PAPPA: variants seen among roughly 807,000 people sequenced by gnomAD.
PAPPA encodes the protein pappalysin-1.
In PAPPA, 60 loss-of-function variants were observed where a neutral mutation model predicts 164.0. The observed-to-expected ratio is 0.37, with a 90% confidence interval of 0.30 to 0.45. The LOEUF (loss-of-function observed/expected upper bound fraction) is 0.45, where lower values mean the gene tolerates loss of function less well. Among genes scored for constraint, PAPPA ranks in the 20% least tolerant of loss-of-function variants. PAPPA has a pLI of 1.00. For missense variants in PAPPA, 1,782 were observed against 2,087.3 expected (o/e 0.85, Z 2.85); for synonymous variants, 875 against 814.1 (o/e 1.07, Z -1.27).
chr9:116,351,658 T>C (rs1040086612), intron 15 of PAPPA, among the ~76,000 whole-genome samples: 12 of 152,230 alleles, frequency 7.9e-5, no homozygotes. Flanking sequence ...TTGCCAACTA[T>C]GATAACTTGG....
chr9:116,222,459 C>T (rs895332873), intron 5 of PAPPA, among the ~76,000 whole-genome samples: 2 of 152,120 alleles, frequency 1.3e-5, no homozygotes, highest in Admixed American at 6.5e-5. Context: ...TGAGTCCTAA[C>T]CCCATTGTAA....
intron 10 of PAPPA, among the ~76,000 whole-genome samples, chr9:116,311,135 C>T (rs1414538259): frequency 1.4e-5 from 2 of 145,618 alleles, no homozygotes; most frequent in Non-Finnish European, 3.0e-5. Flanking sequence ...TTGAGAGTCT[C>T]TTGGTCTTAC....
At chr9:116,256,993 C>T (rs952175114) in intron 7 of PAPPA, among the ~76,000 whole-genome samples, 1 of 151,558 alleles carries the variant, frequency 6.6e-6, no homozygotes, top group Admixed American at 6.6e-5. Flanking sequence ...GTATCAGTAT[C>T]AGATAGAACA....
intron 13 of PAPPA, among the ~76,000 whole-genome samples, chr9:116,340,415 G>A (rs1351769593): frequency 6.6e-6 from 1 of 152,196 alleles, no homozygotes; most frequent in Non-Finnish European, 1.5e-5. Flanking sequence ...ATCTCTATTA[G>A]AATTCTTTCC....
At position 116,376,532 on chromosome 9, in the gene PAPPA, G is replaced by A. The variant is rs139022866; in HGVS notation, c.4606-1044G>A. On this transcript the variant is annotated intron_variant, in intron 19 of 21. Transcript: ENST00000328252. The stretch of plus-strand genomic sequence containing the variant: ...GAGCATGGGGAATTTACTCTCTTAT[G>A]ACACAAGATTAATGCCCACCTCACA... 7.2e-5 allele frequency among the ~76,000 whole-genome samples: 11 copies of A among 152,192 alleles called. No individual in the cohort carries two copies. The East Asian group carries it at 1.5e-3, about 21-fold the overall frequency.
chr9:116,223,964 T>A (rs1241414552), intron 5 of PAPPA, among the ~76,000 whole-genome samples: 1 of 152,160 alleles, frequency 6.6e-6, no homozygotes, highest in Non-Finnish European at 1.5e-5. Context: ...GCACACACAC[T>A]CTATGTTCAA....
chr9:116,168,620 G>T (rs575184289), intron 1 of PAPPA, among the ~76,000 whole-genome samples: 1 of 152,342 alleles, frequency 6.6e-6, no homozygotes, highest in African/African-American at 2.4e-5. Context: ...TCTGCCTTGT[G>T]TGGGGGTATA....
chr9:116,364,491 A>G (rs1239465918), intron 18 of PAPPA, among the ~76,000 whole-genome samples: 1 of 152,164 alleles, frequency 6.6e-6, no homozygotes, highest in Non-Finnish European at 1.5e-5. Flanking sequence ...TCAGCCAAAT[A>G]CCACACAAAT....
chr9:116,365,495 A>G (rs926217899), intron 18 of PAPPA, among the ~76,000 whole-genome samples: 4 of 150,334 alleles, frequency 2.7e-5, no homozygotes, highest in African/African-American at 9.8e-5. Flanking sequence ...GCGGAGAAAG[A>G]GAAATTAAGA....
chr9:116,204,082 G>A (rs1430553476), intron 2 of PAPPA, among the ~76,000 whole-genome samples: 1 of 152,226 alleles, frequency 6.6e-6, no homozygotes, highest in South Asian at 2.1e-4. Flanking sequence ...CAGGATATGG[G>A]GGGCTCACAT....
At chr9:116,160,696 G>T (rs1044360302) in intron 1 of PAPPA, among the ~76,000 whole-genome samples, 1 of 152,182 alleles carries the variant, frequency 6.6e-6, no homozygotes, top group African/African-American at 2.4e-5. Context: ...CGCACCAGCT[G>T]CCCCTTCTCT....
At position 116,187,156 on chromosome 9, in the gene PAPPA, C is replaced by A; in HGVS notation, c.418C>A (p.Leu140Met). Residue 140 changes from leucine to methionine, a missense_variant and splice_region_variant, in exon 2 of 22, where the codon CTG becomes ATG. This residue lies in a region of PAPPA where 458 missense variants were observed against 430.3 expected (regional missense o/e 1.06). Coordinates refer to ENST00000328252, the MANE Select transcript of PAPPA (RefSeq NM_002581.5). This position sits in a 1 kb window ranked among gnomAD's most constrained non-coding sequence, Gnocchi z 4.2. ...CTTTCTCTTTTGGGGCCACATAGGG[C>A]TGTATGACAAATGTTCTTATATCTC... Reference protein sequence around the residue: ...GQRSPAVITGLYDKCSYISRD... With the variant: ...GQRSPAVITGMYDKCSYISRD... 2 of 1,608,170 alleles carry A rather than the reference C, an allele frequency of 1.2e-6. No individual in the cohort carries two copies. Among genetic ancestry groups the A allele is most frequent in the South Asian group, 1.1e-5 (1 of 90,948 alleles).
At chr9:116,291,360 A>G (rs1047005455) in intron 9 of PAPPA, among the ~76,000 whole-genome samples, 3 of 152,194 alleles carry the variant, frequency 2.0e-5, no homozygotes, top group Non-Finnish European at 4.4e-5. Context: ...ATATTGTGGG[A>G]CAATTTGTGT....
intron 15 of PAPPA, among the ~76,000 whole-genome samples, chr9:116,350,552 A>G (rs1588015818): frequency 6.6e-6 from 1 of 152,308 alleles, no homozygotes; most frequent in East Asian, 1.9e-4. Flanking sequence ...TTCTCTTGTC[A>G]CAGAAAACCA....
At chr9:116,240,356 C>T (rs1373412585) in intron 7 of PAPPA, among the ~76,000 whole-genome samples, 1 of 152,174 alleles carries the variant, frequency 6.6e-6, no homozygotes, top group Non-Finnish European at 1.5e-5. Flanking sequence ...AACACAGAGT[C>T]AGAGGTTTCT....
chr9:116,344,932 GT>G (rs1846188257), intron 14 of PAPPA, among the ~76,000 whole-genome samples: 1 of 152,220 alleles, frequency 6.6e-6, no homozygotes, highest in Non-Finnish European at 1.5e-5. Flanking sequence ...GCAGAGTAGT[GT>G]TCCACACAAT....
intron 2 of PAPPA, among the ~76,000 whole-genome samples, chr9:116,202,730 G>A (rs1018094544): frequency 2.0e-5 from 3 of 152,128 alleles, no homozygotes; most frequent in Non-Finnish European, 4.4e-5. Context: ...GGGGAGGGGT[G>A]TGGAGGAGGA....
At chr9:116,180,385 C>G (rs935804351) in intron 1 of PAPPA, among the ~76,000 whole-genome samples, 1 of 151,850 alleles carries the variant, frequency 6.6e-6, no homozygotes, top group African/African-American at 2.4e-5. Flanking sequence ...TCTCCCAATC[C>G]CTCGCTGGGA....
chr9:116,311,632 C>T (rs190020338), intron 10 of PAPPA, among the ~76,000 whole-genome samples: 10 of 152,258 alleles, frequency 6.6e-5, no homozygotes, highest in African/African-American at 1.9e-4. Context: ...TGATGCCTGG[C>T]GAATGATTTC....
Sources: allele counts gnomAD v4.1 joint callset (sites outside exome capture counted in the v4.1 genomes callset), GRCh38; gene constraint gnomAD v4.1.1; regional missense constraint gnomAD v4.1.1; non-coding constraint Gnocchi (gnomAD v3.1); transcripts MANE v1.5; gene names NCBI Gene and HGNC (gene_info 2026-07-23, HGNC 2026-07-21).